The following SLC19A1 variants were observed in gnomAD, a reference collection of about 807,000 sequenced individuals.
The protein encoded by SLC19A1 is solute carrier family 19 member 1.
In SLC19A1, 37 loss-of-function variants were observed where a neutral mutation model predicts 35.3. That is an observed-to-expected ratio of 1.05 (90% CI 0.81 to 1.38). The LOEUF (loss-of-function observed/expected upper bound fraction) is 1.38. SLC19A1 is among the 40% of genes most tolerant of loss of function. The pLI, the probability that SLC19A1 is intolerant of heterozygous loss-of-function variation, is 0.00. For synonymous variants in SLC19A1, 460 were observed against 398.5 expected (o/e 1.15, Z -1.84); for missense variants, 831 against 826.9 (o/e 1.00, Z -0.06).
chr21:45,516,612 G>A (rs184750932), intron 5 of SLC19A1, among the ~76,000 whole-genome samples: 10 of 152,226 alleles, frequency 6.6e-5, no homozygotes, highest in Non-Finnish European at 1.0e-4. Flanking sequence ...CATGGAGCCC[G>A]TCTCCATCTC....
chr21:45,528,460 T>C (rs369945064), intron 4 of SLC19A1, among the ~76,000 whole-genome samples: 31 of 151,530 alleles, frequency 2.0e-4, no homozygotes, highest in African/African-American at 7.3e-4. Flanking sequence ...CCGGCCTCAC[T>C]CTGGTTAAGG....
Position 45,553,269 on chromosome 21 carries a change from C to T in SLC19A1, c.-50+9473G>A, listed in dbSNP as rs537126513. On this transcript the variant is annotated intron_variant, in intron 1 of 5. Coordinates refer to the SLC19A1 transcript ENST00000650808. Reference sequence around the variant, plus strand: ...GGCCTAAGGGGACGGGAGCCGCTGACCTTTAGGACCTGTGCAAGGGTCATG... The same window carrying T: ...GGCCTAAGGGGACGGGAGCCGCTGATCTTTAGGACCTGTGCAAGGGTCATG... Among the ~76,000 whole-genome samples, 14 of 152,110 alleles carry T rather than the reference C, an allele frequency of 9.2e-5. No homozygotes were observed. The East Asian group carries it at 2.7e-3, about 29-fold the overall frequency.
downstream of SLC19A1, chr21:45,512,502 C>A: frequency 2.0e-6 from 2 of 1,013,780 alleles, no homozygotes; most frequent in East Asian, 2.6e-5. Flanking sequence ...GACCTGGCTG[C>A]CATACTTTCC....
chr21:45,510,555 C>T (rs2037520965), downstream of SLC19A1, among the ~76,000 whole-genome samples: 3 of 151,956 alleles, frequency 2.0e-5, no homozygotes, highest in South Asian at 6.2e-4. Context: ...TCCCATGCTG[C>T]TGGACCAAGT....
chr21:45,532,299 C>T, intron 2 of SLC19A1, 151 bp from the exon 3 acceptor site: 1 of 650,798 alleles, frequency 1.5e-6, no homozygotes, highest in Non-Finnish European at 2.6e-6. Context: ...GTCCCATGTC[C>T]CACTGCATCG....
chr21:45,510,188 C>T (rs1085307837), downstream of SLC19A1: 1 of 1,598,842 alleles, frequency 6.3e-7, no homozygotes, highest in South Asian at 1.1e-5. Flanking sequence ...GCCTTCCTGT[C>T]CTCGCGCCTG....
At position 45,537,910 on chromosome 21, in the gene SLC19A1, C is replaced by A. The variant is rs751302757; in HGVS notation, c.50G>T (p.Gly17Val). ...AVEKQVPVEPGPDPELRSWRH... is the reference protein window; with the variant it reads ...AVEKQVPVEPVPDPELRSWRH... ...CCAGGACCGGAGCTCGGGGTCAGGCCCAGGTTCCACGGGCACCTGCTTCTC... is the reference window on the plus strand; with the variant it reads ...CCAGGACCGGAGCTCGGGGTCAGGCACAGGTTCCACGGGCACCTGCTTCTC... Residue 17 changes from glycine (G) to valine (V), a missense_variant, in exon 2 of 6, where the codon GGG becomes GTG. Coordinates refer to ENST00000311124, the MANE Select transcript of SLC19A1 (RefSeq NM_194255.4). The A allele has an allele frequency of 1.3e-6, 2 of 1,593,964 alleles. No individual in the cohort carries two copies. The highest frequency in any genetic ancestry group is 1.7e-6 in the Non-Finnish European group (2 of 1,173,992).
chr21:45,508,419 A>T (rs1354067556), downstream of SLC19A1, among the ~76,000 whole-genome samples: 4 of 106,672 alleles, frequency 3.7e-5, no homozygotes, highest in African/African-American at 1.7e-4. Context: ...TGAGTGGATG[A>T]ATGGGTGGAT....
rs1451284421 is a variant in SLC19A1, at chr21:45,534,788, G to A, written c.190-2640C>T. 1.7e-6 allele frequency: 1 copy of A among 586,868 alleles called. No individual in the cohort carries two copies. The highest frequency in any genetic ancestry group is 3.0e-6 in the Non-Finnish European group (1 of 331,300). The allele number at this position is 586,868 out of a possible 1,614,324, so 36.4% of individuals were successfully genotyped here. The stretch of plus-strand genomic sequence containing the variant: ...CTGTGACCTGCGTCCCACTTACAAG[G>A]CTGCTGGGGGAGGGGCCCTCACAAC... On this transcript the variant is annotated intron_variant, in intron 2 of 5. Coordinates refer to ENST00000311124, the MANE Select transcript of SLC19A1 (RefSeq NM_194255.4). This position sits in a 1 kb window ranked among gnomAD's most constrained non-coding sequence, Gnocchi z 4.2.
intron 1 of SLC19A1, among the ~76,000 whole-genome samples, chr21:45,541,228 G>C (rs1441305976): frequency 1.3e-5 from 2 of 152,216 alleles, no homozygotes; most frequent in Non-Finnish European, 2.9e-5. Flanking sequence ...CGGAAAGAAA[G>C]CAATTAGCAA....
chr21:45,551,297 T>A (rs144167230), intron 1 of SLC19A1, among the ~76,000 whole-genome samples: 156 of 152,306 alleles, frequency 1.0e-3, no homozygotes, highest in African/African-American at 3.5e-3. Context: ...TCCAATTAAT[T>A]AATTTCTGCT....
intron 1 of SLC19A1, among the ~76,000 whole-genome samples, chr21:45,555,139 A>G (rs1047960713): frequency 2.0e-4 from 20 of 100,244 alleles, no homozygotes; most frequent in East Asian, 6.2e-4. Context: ...CTCGCGACGC[A>G]GGGGGCGGTG....
downstream of SLC19A1, chr21:45,512,304 T>C: frequency 1.2e-6 from 2 of 1,612,376 alleles, no homozygotes; most frequent in Non-Finnish European, 1.7e-6. Context: ...TCCTCGCTGC[T>C]GGGGGGCAGG....
At chr21:45,510,670 T>G (rs1008054191), downstream of SLC19A1, among the ~76,000 whole-genome samples, 4 of 152,224 alleles carry the variant, frequency 2.6e-5, no homozygotes, top group Non-Finnish European at 5.9e-5. Flanking sequence ...AGCACCCATG[T>G]GGCTTTATTC....
chr21:45,534,133 C>A lies in SLC19A1; in HGVS notation c.190-1985G>T, dbSNP rs575012571. Reference sequence around the variant, plus strand: ...TGAGGGCAGGTTATGTGCCAGGAGGCTGAGTGAGCCCGCCGGGTCACAGAG... The same window carrying A: ...TGAGGGCAGGTTATGTGCCAGGAGGATGAGTGAGCCCGCCGGGTCACAGAG... On this transcript the variant is annotated intron_variant, in intron 2 of 5. Transcript: ENST00000311124. The surrounding 1 kb of genome is among the most constrained non-coding windows in gnomAD (Gnocchi z 4.2). Among the ~76,000 whole-genome samples, 2 of 152,334 alleles carry A rather than the reference C, an allele frequency of 1.3e-5. No individual in the cohort carries two copies. The highest frequency in any genetic ancestry group is 4.1e-4 in the South Asian group (2 of 4,832).
chr21:45,539,417 C>T (rs1175118027), intron 1 of SLC19A1, among the ~76,000 whole-genome samples: 1 of 152,248 alleles, frequency 6.6e-6, no homozygotes, highest in East Asian at 1.9e-4. Flanking sequence ...TTGTGCCTCG[C>T]CACAGGGCCG....
rs529710594 is a variant in SLC19A1, at chr21:45,538,221, A to G, written c.-49-213T>C. ...CCGGAGTCCCCCAGGCCAGGCTGTC[A>G]CCACCTCCAGGGTCTCCGAGGCTGA... On this transcript the variant is annotated intron_variant, in intron 1 of 5. Coordinates refer to ENST00000311124, the MANE Select transcript of SLC19A1 (RefSeq NM_194255.4). Among the ~76,000 whole-genome samples the G allele has an allele frequency of 3.9e-5, 6 of 152,332 alleles. No individual in the cohort carries two copies. In the South Asian group the frequency reaches 1.2e-3, roughly 32 times the overall value.
chr21:45,530,477 G>T lies in SLC19A1; in HGVS notation c.1151+293C>A, dbSNP rs557898424. ...AAGCTCCCGCTCCTGCCTGGATGGGGTCTCAGCAGCCCGGGGCCTAGAGGG... is the reference window on the plus strand; with the variant it reads ...AAGCTCCCGCTCCTGCCTGGATGGGTTCTCAGCAGCCCGGGGCCTAGAGGG... On this transcript the variant is annotated intron_variant, in intron 4 of 5. Transcript: ENST00000311124. The surrounding 1 kb of genome is among the most constrained non-coding windows in gnomAD (Gnocchi z 5.3). 6.6e-6 allele frequency among the ~76,000 whole-genome samples: 1 copy of T among 152,276 alleles called. No individual in the cohort carries two copies. The highest frequency in any genetic ancestry group is 6.5e-5 in the Admixed American group (1 of 15,304).
At chr21:45,560,841 T>G (rs1448000972) in intron 1 of SLC19A1, among the ~76,000 whole-genome samples, 1 of 152,102 alleles carries the variant, frequency 6.6e-6, no homozygotes, top group Non-Finnish European at 1.5e-5. Context: ...CCCCGGAGAA[T>G]CGGCGCTGTC....
Sources: gnomAD v4.1 joint callset for allele counts (sites outside exome capture counted in the v4.1 genomes callset) on GRCh38, gnomAD v4.1.1 for gene constraint, Gnocchi (gnomAD v3.1) non-coding constraint, MANE v1.5 for transcripts, NCBI Gene and HGNC (gene_info 2026-07-23, HGNC 2026-07-21) for gene names.